The following TLE6 variants were observed in gnomAD, a reference collection of about 807,000 sequenced individuals.
TLE6 encodes TLE family member 6, subcortical maternal complex member, also known as transducin-like enhancer protein 6.
Under a neutral mutation model 77.1 loss-of-function variants are expected in TLE6, and 72 were observed. The ratio of observed to expected loss-of-function variants is 0.93; its 90% CI spans 0.77 to 1.14. The LOEUF (loss-of-function observed/expected upper bound fraction) is 1.14. TLE6 is among the 50% of genes most tolerant of loss of function. The pLI, the probability that TLE6 is intolerant of heterozygous loss-of-function variation, is 0.00. For missense variants in TLE6, 843 were observed against 747.6 expected (o/e 1.13, Z -1.49); for synonymous variants, 366 against 287.3 (o/e 1.27, Z -2.77).
chr19:2,992,095 G>A, intron 14 of TLE6, 111 bp downstream of exon 14: 1 of 1,353,822 alleles, frequency 7.4e-7, no homozygotes, highest in Non-Finnish European at 1.0e-6. Flanking sequence ...TAGCACTTTG[G>A]GAGGCCAAGG....
chr19:2,990,259 T>G (rs2089014516), intron 13 of TLE6, among the ~76,000 whole-genome samples: 1 of 151,906 alleles, frequency 6.6e-6, no homozygotes, highest in Non-Finnish European at 1.5e-5. Flanking sequence ...GAATAAATTT[T>G]ATTTAATAAA....
intron 11 of TLE6, 63 bp downstream of exon 11, chr19:2,988,191 A>C: frequency 6.7e-7 from 1 of 1,497,880 alleles, no homozygotes; most frequent in Admixed American, 2.0e-5. Context: ...CTTCCTGTCT[A>C]TACCTCTGTT....
At chr19:2,990,353 A>G (rs2089016805) in intron 13 of TLE6, among the ~76,000 whole-genome samples, 1 of 151,714 alleles carries the variant, frequency 6.6e-6, no homozygotes, top group South Asian at 2.1e-4. Context: ...CTGTACTCCC[A>G]GCAGTTAGGG....
Position 2,993,446 on chromosome 19 carries a change from C to T in TLE6, c.1401C>T (p.Ser467=), listed in dbSNP as rs1305578321. 6.2e-7 allele frequency: 1 copy of T among 1,602,078 alleles called. No individual in the cohort carries two copies. The highest frequency in any genetic ancestry group is 1.7e-5 in the Admixed American group (1 of 59,598). ...CCATTACCTAGATAATGAGCCTGTC[C>T]CACAGCCCCCAGGAGGACTGGGTGC... is the stretch of plus-strand genomic sequence containing the variant. ...YQFKSQIMSL[S]HSPQEDWVLL... is the part of the protein sequence containing the mutation. Residue 467 remains serine (S), a synonymous_variant, in exon 15 of 17, where the codon TCC becomes TCT. Transcript: ENST00000246112.
At chr19:2,986,713 C>A in intron 5 of TLE6, 116 bp from the exon 6 acceptor site, 5 of 1,108,652 alleles carry the variant, frequency 4.5e-6, no homozygotes, top group Non-Finnish European at 6.4e-6. Context: ...GACTCTGTCT[C>A]AAAAAAACAA....
In TLE6 at chr19:2,980,183, G is replaced by C; in HGVS notation, c.134+1G>C. Reference sequence around the variant, plus strand: ...TAAATCGGCTCAAGCAGTTCCCCAGGTGAGAGCAATTCCAGGGGCCGGAGG... The same window carrying C: ...TAAATCGGCTCAAGCAGTTCCCCAGCTGAGAGCAATTCCAGGGGCCGGAGG... On this transcript the variant is annotated splice_donor_variant, in intron 3 of 16. Transcript: ENST00000246112. LOFTEE classifies it high-confidence loss of function. The C allele has an allele frequency of 6.5e-7, 1 of 1,546,868 alleles. No homozygotes were observed. Among genetic ancestry groups the C allele is most frequent in the Non-Finnish European group, 8.7e-7 (1 of 1,143,988 alleles).
At chr19:2,993,943 G>T in intron 15 of TLE6, 76 bp from the exon 16 acceptor site, 17 of 896,218 alleles carry the variant, frequency 1.9e-5, no homozygotes, top group Non-Finnish European at 2.6e-5. Context: ...AAAAAAAAAA[G>T]GTGGGTGGGG....
intron 14 of TLE6, among the ~76,000 whole-genome samples, chr19:2,992,411 G>C (rs544916099): frequency 6.6e-6 from 1 of 152,182 alleles, no homozygotes; most frequent in South Asian, 2.1e-4. Context: ...GGTGGAGGTT[G>C]TGGTGAGCCG....
intron 5 of TLE6, among the ~76,000 whole-genome samples, chr19:2,985,019 G>A (rs557081229): frequency 4.2e-4 from 64 of 151,946 alleles, no homozygotes; most frequent in African/African-American, 1.5e-3. Context: ...GGGAGGCTGA[G>A]GTGGGCAGAT....
chr19:2,994,053 C>T lies in TLE6; in HGVS notation c.1572C>T (p.Phe524=). 1 of 1,608,286 alleles carries T rather than the reference C, an allele frequency of 6.2e-7. No individual in the cohort carries two copies. ...GGGCAAGCGTTGGAATGGACGACTT[C>T]CTTGGCGTCTACAGCATGCCGGCGG... ...QWWASVGMDD[F]LGVYSMPAGT... is the part of the protein sequence containing the mutation. The change falls in exon 16 of 17, where the codon TTC becomes TTT. Residue 524 remains phenylalanine, a synonymous_variant. Coordinates refer to ENST00000246112, the MANE Select transcript of TLE6 (RefSeq NM_001143986.2).
intron 11 of TLE6, 195 bp from the exon 12 acceptor site, chr19:2,988,866 T>A: frequency 2.7e-6 from 2 of 750,674 alleles, no homozygotes; most frequent in Non-Finnish European, 4.2e-6. Context: ...CAGAAGTATG[T>A]GGAGGGCTGT....
In TLE6 at chr19:2,989,795, G is replaced by T. The variant is rs759491630; in HGVS notation, c.1244+10G>T. ...ATCAGAGTGTGGTCAGGTGCGTTTG[G>T]GGGGTGGGAAGGGGAAGCATCCTGT... On this transcript the variant is annotated intron_variant, in intron 13 of 16. Coordinates refer to ENST00000246112, the MANE Select transcript of TLE6 (RefSeq NM_001143986.2). 6.2e-7 allele frequency: 1 copy of T among 1,608,624 alleles called. No homozygotes were observed. Among genetic ancestry groups the T allele is most frequent in the East Asian group, 2.2e-5 (1 of 44,842 alleles).
chr19:2,991,399 C>T (rs936905440), intron 13 of TLE6, among the ~76,000 whole-genome samples: 3,172 of 76,832 alleles, frequency 0.041, 99 homozygotes, highest in African/African-American at 0.098. Flanking sequence ...TATATATACA[C>T]ACACACACAC....
At chr19:2,980,454 G>A (rs117830352) in intron 3 of TLE6, 13 of 289,332 alleles carry the variant, frequency 4.5e-5, no homozygotes, top group Admixed American at 1.4e-4. Flanking sequence ...ATACTGCAAC[G>A]GCTGGGTATG....
intron 3 of TLE6, 110 bp from the exon 4 acceptor site, chr19:2,981,428 A>C: frequency 1.7e-6 from 2 of 1,198,814 alleles, no homozygotes; most frequent in Non-Finnish European, 2.4e-6. Flanking sequence ...TTCTGGAGCC[A>C]GTGCCTTCCA....
chr19:2,986,900 C>T lies in TLE6; in HGVS notation c.285+9C>T. 6.4e-7 allele frequency: 1 copy of T among 1,551,976 alleles called. No homozygotes were observed. Among genetic ancestry groups the T allele is most frequent in the East Asian group, 2.4e-5 (1 of 40,924 alleles). ...GTTTCCAGTCTGAGGAGGTGAGTTT[C>T]TGGGTCTTCAAGGAGGGGAGGGGAC... On this transcript the variant is annotated intron_variant, in intron 6 of 16. Coordinates refer to ENST00000246112, the MANE Select transcript of TLE6 (RefSeq NM_001143986.2).
chr19:2,990,581 G>A (rs1468828726), intron 13 of TLE6, among the ~76,000 whole-genome samples: 2 of 149,182 alleles, frequency 1.3e-5, no homozygotes, highest in East Asian at 3.9e-4. Flanking sequence ...TTCCCAGCCT[G>A]GGCGACAGAG....
intron 13 of TLE6, among the ~76,000 whole-genome samples, chr19:2,990,646 T>TAA (rs1250016522): frequency 2.1e-5 from 3 of 144,506 alleles, no homozygotes; most frequent in Non-Finnish European, 3.0e-5. Flanking sequence ...AATAAATATA[T>TAA]ATATAAATAC....
intron 14 of TLE6, among the ~76,000 whole-genome samples, chr19:2,992,326 G>A (rs1177958249): frequency 1.3e-5 from 2 of 152,076 alleles, no homozygotes; most frequent in Admixed American, 6.6e-5. Flanking sequence ...TACAAAATTG[G>A]CCAGGCATGG....
Sources: gnomAD v4.1 joint callset for allele counts (sites outside exome capture counted in the v4.1 genomes callset) on GRCh38, gnomAD v4.1.1 for gene constraint, MANE v1.5 for transcripts, NCBI Gene and HGNC (gene_info 2026-07-23, HGNC 2026-07-21) for gene names.